Variants in RSU1 observed in about 807,000 individuals in gnomAD.
The protein encoded by RSU1 is rsu-1.
In RSU1, 26 loss-of-function variants were observed where a neutral mutation model predicts 31.1. The observed-to-expected ratio is 0.84, with a 90% CI of 0.61 to 1.16. The LOEUF is 1.16. RSU1 is among the 50% of genes most tolerant of loss of function. RSU1 has a pLI of 0.00. For synonymous variants in RSU1, 164 were observed against 136.3 expected, an observed-to-expected ratio of 1.20 and a Z score of -1.41; for missense variants, 320 against 339.1, an observed-to-expected ratio of 0.94 and a Z score of 0.44.
chr10:16,627,573 G>A (rs897816775), intron 8 of RSU1, among the ~76,000 whole-genome samples: 1 of 151,966 alleles, frequency 6.6e-6, no homozygotes, highest in African/African-American at 2.4e-5. Context: ...AACCAAAATG[G>A]TGAAACCCTG....
At chr10:16,686,121 A>T (rs1835435570) in intron 8 of RSU1, among the ~76,000 whole-genome samples, 1 of 152,192 alleles carries the variant, frequency 6.6e-6, no homozygotes, top group Admixed American at 6.5e-5. Context: ...GCCCAAAATT[A>T]AAAATTTAAA....
At chr10:16,773,601 C>T (rs1294705875) in intron 3 of RSU1, among the ~76,000 whole-genome samples, 1 of 152,176 alleles carries the variant, frequency 6.6e-6, no homozygotes, top group Non-Finnish European at 1.5e-5. Context: ...AGCTCTGTCG[C>T]CTCCTCATTC....
chr10:16,769,115 C>A (rs1360304327), intron 3 of RSU1, among the ~76,000 whole-genome samples: 1 of 152,242 alleles, frequency 6.6e-6, no homozygotes, highest in East Asian at 1.9e-4. Context: ...CAAACTGTCT[C>A]CCCTCCATAG....
At chr10:16,736,740 C>T (rs1467444417) in intron 7 of RSU1, among the ~76,000 whole-genome samples, 3 of 151,928 alleles carry the variant, frequency 2.0e-5, no homozygotes, top group Admixed American at 1.3e-4. Flanking sequence ...TCAGAAATTA[C>T]ATTACCAGAT....
In RSU1 at chr10:16,617,852, A is replaced by G. The variant is rs1834004324; in HGVS notation, c.732-24356T>C. On this transcript the variant is annotated intron_variant, in intron 8 of 8. Transcript: ENST00000345264. The stretch of plus-strand genomic sequence containing the variant: ...TTAACTCAAGATGGATTACAGACTT[A>G]AATGTAAAACCCAAAACCATAAAAT... Among the ~76,000 whole-genome samples the G allele has an allele frequency of 4.6e-5, 7 of 152,378 alleles. No individual in the cohort carries two copies. In the South Asian group the frequency reaches 1.4e-3, roughly 32 times the overall value.
intron 4 of RSU1, 36 bp from the exon 5 acceptor site, chr10:16,755,025 C>A: frequency 1.5e-6 from 2 of 1,312,998 alleles, no homozygotes; most frequent in Non-Finnish European, 1.1e-6. Flanking sequence ...GTCATGACAC[C>A]AAAGACACAT....
chr10:16,729,484 G>T (rs1199928710), intron 7 of RSU1, among the ~76,000 whole-genome samples: 14 of 152,132 alleles, frequency 9.2e-5, no homozygotes, highest in Non-Finnish European at 1.8e-4. Flanking sequence ...GGGAACTGAA[G>T]GCTAGATAGT....
chr10:16,760,931 C>G (rs1248789600), intron 4 of RSU1, among the ~76,000 whole-genome samples: 1 of 151,994 alleles, frequency 6.6e-6, no homozygotes, highest in Admixed American at 6.6e-5. Context: ...AAAATTGGAG[C>G]TCGTTTATTT....
intron 7 of RSU1, among the ~76,000 whole-genome samples, chr10:16,719,988 G>A (rs960350070): frequency 6.6e-6 from 1 of 152,162 alleles, no homozygotes; most frequent in Non-Finnish European, 1.5e-5. Context: ...TGCAGCCAAG[G>A]AAAATGTGGT....
At chr10:16,713,329 T>C (rs1317520393) in intron 7 of RSU1, among the ~76,000 whole-genome samples, 1 of 152,218 alleles carries the variant, frequency 6.6e-6, no homozygotes, top group Non-Finnish European at 1.5e-5. Flanking sequence ...GAAGTTCCTA[T>C]AATGCACACA....
intron 7 of RSU1, among the ~76,000 whole-genome samples, chr10:16,718,523 T>C (rs1275457085): frequency 6.6e-6 from 1 of 152,142 alleles, no homozygotes; most frequent in East Asian, 1.9e-4. Flanking sequence ...ACAAATGGTG[T>C]CCTCTAATCT....
intron 8 of RSU1, among the ~76,000 whole-genome samples, chr10:16,640,119 G>T (rs1482815218): frequency 4.6e-5 from 7 of 152,032 alleles, no homozygotes; most frequent in Admixed American, 2.6e-4. Context: ...TATGACAGGG[G>T]AAGAGAGGGA....
At chr10:16,651,197 A>T (rs531926533) in intron 8 of RSU1, among the ~76,000 whole-genome samples, 2 of 152,352 alleles carry the variant, frequency 1.3e-5, no homozygotes, top group East Asian at 3.9e-4. Flanking sequence ...TTTCAAGCTC[A>T]TGTCAAACAA....
intron 7 of RSU1, among the ~76,000 whole-genome samples, chr10:16,696,391 G>A (rs1286701023): frequency 6.6e-6 from 1 of 152,152 alleles, no homozygotes; most frequent in African/African-American, 2.4e-5. Flanking sequence ...ATTTTTTTAT[G>A]AGGAAGATAA....
intron 8 of RSU1, among the ~76,000 whole-genome samples, chr10:16,658,567 T>TACAAAAAAAAAA: frequency 6.6e-6 from 1 of 152,068 alleles, no homozygotes; most frequent in East Asian, 1.9e-4. Flanking sequence ...CTACTAAAAA[T>TACAAAAAAAAAA]ACAAAAATTA....
intron 7 of RSU1, among the ~76,000 whole-genome samples, chr10:16,746,985 T>C (rs984421728): frequency 6.6e-6 from 1 of 152,098 alleles, no homozygotes; most frequent in African/African-American, 2.4e-5. Context: ...ACTGCATATG[T>C]CAGGAAAAAG....
chr10:16,610,426 G>A (rs954855901), intron 8 of RSU1, among the ~76,000 whole-genome samples: 10 of 152,214 alleles, frequency 6.6e-5, no homozygotes, highest in African/African-American at 1.9e-4. Context: ...CCCTTGGGCC[G>A]TGGACAGGTA....
chr10:16,702,235 G>A (rs148991504), intron 7 of RSU1, among the ~76,000 whole-genome samples: 85 of 152,344 alleles, frequency 5.6e-4, no homozygotes, highest in African/African-American at 1.8e-3. Flanking sequence ...AGCCCTCATG[G>A]AGAACCTCTA....
Position 16,645,976 on chromosome 10 carries a change from G to A in RSU1, c.731+49047C>T, listed in dbSNP as rs202215646. Among the ~76,000 whole-genome samples, 2 of 65,772 alleles carry A rather than the reference G, an allele frequency of 3.0e-5. 1 individual carries two copies. The allele number at this position is 65,772 out of a possible 152,430, so 43.1% of individuals were successfully genotyped here. A position where few individuals can be genotyped will look rare whatever the true frequency, so the allele number is the denominator to read the frequency against. On this transcript the variant is annotated intron_variant, in intron 8 of 8. Transcript: ENST00000345264. ...TATATACATATATGTGTATATATAT[G>A]TGTATATACATATATGTGTATATAT... is the stretch of plus-strand genomic sequence containing the variant.
Sources: allele counts gnomAD v4.1 joint callset (sites outside exome capture counted in the v4.1 genomes callset), GRCh38; gene constraint gnomAD v4.1.1; transcripts MANE v1.5; gene names NCBI Gene and HGNC (gene_info 2026-07-23, HGNC 2026-07-21).